TNFSF4: variants seen among roughly 807,000 people sequenced by gnomAD.
TNFSF4 encodes tumor necrosis factor ligand superfamily member 4.
A neutral mutation model predicts 7.3 loss-of-function variants in TNFSF4; 4 were observed. The ratio of observed to expected loss-of-function variants is 0.55; its 90% CI spans 0.27 to 1.25. The LOEUF is 1.25. Among genes scored for constraint, TNFSF4 ranks in the 50% most tolerant of loss-of-function variants. The pLI is 0.12. For missense variants in TNFSF4, 181 were observed against 208.8 expected, an observed-to-expected ratio of 0.87 and a Z score of 0.82; for synonymous variants, 76 against 83.7, an observed-to-expected ratio of 0.91 and a Z score of 0.50.
At chr1:173,262,045 C>A in the TNFSF4 span, among the ~76,000 whole-genome samples, 1 of 152,200 alleles carries the variant, frequency 6.6e-6, no homozygotes. Context: ...AAACTTCAGC[C>A]AATATCCCTG....
chr1:173,313,404 G>A, the TNFSF4 span, among the ~76,000 whole-genome samples: 3 of 152,056 alleles, frequency 2.0e-5, no homozygotes, highest in African/African-American at 7.2e-5. Flanking sequence ...CTATATGCAT[G>A]CTGTGTCTAC....
At chr1:173,392,246 GTT>G in the TNFSF4 span, among the ~76,000 whole-genome samples, 1 of 152,144 alleles carries the variant, frequency 6.6e-6, no homozygotes, top group African/African-American at 2.4e-5. Flanking sequence ...CATAGAATTA[GTT>G]TAAGTATTAA....
the TNFSF4 span, among the ~76,000 whole-genome samples, chr1:173,323,281 G>A: frequency 2.0e-5 from 3 of 152,220 alleles, no homozygotes; most frequent in Non-Finnish European, 4.4e-5. Flanking sequence ...AACAGGGTCT[G>A]GAGTGGACCT....
chr1:173,327,383 C>T, the TNFSF4 span, among the ~76,000 whole-genome samples: 1 of 151,780 alleles, frequency 6.6e-6, no homozygotes, highest in African/African-American at 2.4e-5. Flanking sequence ...AATGTTAGAC[C>T]TAAAACCATA....
chr1:173,372,204 C>A, the TNFSF4 span, among the ~76,000 whole-genome samples: 2 of 152,158 alleles, frequency 1.3e-5, no homozygotes, highest in Non-Finnish European at 2.9e-5. Flanking sequence ...ACTGGCTTGT[C>A]CTCACCCTAA....
chr1:173,377,106 G>T, the TNFSF4 span, among the ~76,000 whole-genome samples: 1 of 152,182 alleles, frequency 6.6e-6, no homozygotes, highest in African/African-American at 2.4e-5. Flanking sequence ...CACTGTGAGC[G>T]TCTGTGGCTT....
the TNFSF4 span, among the ~76,000 whole-genome samples, chr1:173,441,711 G>A: frequency 5.3e-5 from 8 of 152,296 alleles, no homozygotes; most frequent in African/African-American, 1.9e-4. Context: ...TTTAAACAGT[G>A]TCTGGTTTTC....
the TNFSF4 span, among the ~76,000 whole-genome samples, chr1:173,333,927 T>C: frequency 1.3e-5 from 2 of 151,992 alleles, no homozygotes; most frequent in Non-Finnish European, 2.9e-5. Context: ...ATCAGCAGGG[T>C]TCAGGGTTCT....
In TNFSF4 at chr1:173,186,462, C is replaced by T. The variant is rs1255591447; in HGVS notation, c.*54G>A. 26 of 1,429,042 alleles carry T rather than the reference C, an allele frequency of 1.8e-5. No homozygotes were observed. The Admixed American group carries it at 4.4e-4, about 24-fold the overall frequency. The allele number at this position is 1,429,042 out of a possible 1,614,324, so 88.5% of individuals were successfully genotyped here. Reference sequence around the variant, plus strand: ...CAATGAAGAATCCATGCCCTGTCCACCCCCAGCTTGGTGTTCATGCTGGTG... The same window carrying T: ...CAATGAAGAATCCATGCCCTGTCCATCCCCAGCTTGGTGTTCATGCTGGTG... On this transcript the variant is annotated 3_prime_UTR_variant, in exon 3 of 3. Coordinates refer to ENST00000281834, the MANE Select transcript of TNFSF4 (RefSeq NM_003326.5).
chr1:173,367,729 G>T, the TNFSF4 span, among the ~76,000 whole-genome samples: 14 of 152,276 alleles, frequency 9.2e-5, no homozygotes, highest in Admixed American at 9.2e-4. Flanking sequence ...CTGAACATAA[G>T]ACCCTGCTTA....
At chr1:173,448,318 C>A in the TNFSF4 span, among the ~76,000 whole-genome samples, 1 of 151,654 alleles carries the variant, frequency 6.6e-6, no homozygotes, top group East Asian at 1.9e-4. Flanking sequence ...CTTTTTTTTT[C>A]AAACACACAT....
At chr1:173,433,026 G>A in the TNFSF4 span, among the ~76,000 whole-genome samples, 1 of 152,112 alleles carries the variant, frequency 6.6e-6, no homozygotes, top group Admixed American at 6.5e-5. Context: ...ATACATCTTA[G>A]CATTGATTGG....
the TNFSF4 span, among the ~76,000 whole-genome samples, chr1:173,312,484 C>T: frequency 6.6e-6 from 1 of 151,976 alleles, no homozygotes; most frequent in Non-Finnish European, 1.5e-5. Context: ...GGAATAACAT[C>T]CTCCTTTTTC....
the TNFSF4 span, among the ~76,000 whole-genome samples, chr1:173,313,205 G>A: frequency 4.6e-5 from 7 of 152,016 alleles, no homozygotes; most frequent in African/African-American, 1.7e-4. Context: ...TCAAGTCATT[G>A]CCCATTATAC....
At chr1:173,417,011 T>C in the TNFSF4 span, among the ~76,000 whole-genome samples, 2 of 152,266 alleles carry the variant, frequency 1.3e-5, no homozygotes. Context: ...TTATTATCTC[T>C]ATTTTAAAGA....
At chr1:173,334,275 A>G in the TNFSF4 span, among the ~76,000 whole-genome samples, 6 of 152,202 alleles carry the variant, frequency 3.9e-5, no homozygotes, top group Non-Finnish European at 8.8e-5. Context: ...ATAGGGAGAC[A>G]CAAAATATCT....
chr1:173,396,157 T>G, the TNFSF4 span, among the ~76,000 whole-genome samples: 10 of 152,238 alleles, frequency 6.6e-5, no homozygotes, highest in African/African-American at 2.4e-4. Flanking sequence ...CCAAAACAAC[T>G]ACTTGAGTTT....
At chr1:173,267,022 T>A in the TNFSF4 span, among the ~76,000 whole-genome samples, 1 of 152,210 alleles carries the variant, frequency 6.6e-6, no homozygotes, top group African/African-American at 2.4e-5. Context: ...CTTATACTCA[T>A]ATGCTTTCCA....
At chr1:173,416,638 T>TATTTATTTATTTATTTGAGA in the TNFSF4 span, among the ~76,000 whole-genome samples, 7 of 110,136 alleles carry the variant, frequency 6.4e-5, no homozygotes, top group Admixed American at 9.3e-5. Context: ...ATTTATTTTT[T>TATTTATTTATTTATTTGAGA]GAGAGAGAGA....
Sources: allele counts gnomAD v4.1 joint callset (sites outside exome capture counted in the v4.1 genomes callset), GRCh38; gene constraint gnomAD v4.1.1; transcripts MANE v1.5; gene names NCBI Gene and HGNC (gene_info 2026-07-23, HGNC 2026-07-21).